Variants in GNB4 observed in about 807,000 individuals in gnomAD.
GNB4 encodes the protein guanine nucleotide-binding protein subunit beta-4.
In GNB4, 28 loss-of-function variants were observed where a neutral mutation model predicts 45.2. The observed-to-expected ratio is 0.62, with a 90% CI of 0.46 to 0.85. The LOEUF (loss-of-function observed/expected upper bound fraction) is 0.85, where lower values mean the gene tolerates loss of function less well. GNB4 is among the 40% of genes least tolerant of loss of function. The probability of loss-of-function intolerance (pLI) is 0.00; values close to 1 mark genes in which losing one functional copy is unlikely to be tolerated. For missense variants in GNB4, 321 were observed against 425.4 expected, an observed-to-expected ratio of 0.75 and a Z score of 2.16; for synonymous variants, 132 against 143.7, an observed-to-expected ratio of 0.92 and a Z score of 0.58.
chr3:179,401,167 TGATTTCTCCA>T lies in GNB4; in HGVS notation c.*36_*45del, dbSNP rs1714286552. 7.3e-7 allele frequency: 1 copy of T among 1,371,096 alleles called. No homozygotes were observed. The highest frequency in any genetic ancestry group is 2.3e-5 in the East Asian group (1 of 43,006). The allele number at this position is 1,371,096 out of a possible 1,614,324, so 84.9% of individuals were successfully genotyped here. On this transcript the variant is annotated 3_prime_UTR_variant, in exon 10 of 10. Transcript: ENST00000232564. ...TTTTCACAGCTATAGGCTGTAGCATTGATTTCTCCAGATATATCAATGGAGAACAAATATG... is the reference window on the plus strand; with the variant it reads ...TTTTCACAGCTATAGGCTGTAGCATTGATATATCAATGGAGAACAAATATG...
chr3:179,473,804 A>C, the GNB4 span, among the ~76,000 whole-genome samples: 3 of 152,184 alleles, frequency 2.0e-5, no homozygotes, highest in Non-Finnish European at 2.9e-5. Context: ...TCAATATGTA[A>C]ATGTAACCAC....
intron 2 of GNB4, among the ~76,000 whole-genome samples, chr3:179,425,709 G>C (rs1317107713): frequency 6.6e-6 from 1 of 152,076 alleles, no homozygotes; most frequent in Non-Finnish European, 1.5e-5. Context: ...GACCTCAGGT[G>C]ATCCACCTGC....
At chr3:179,457,416 A>G in the GNB4 span, among the ~76,000 whole-genome samples, 662 of 152,300 alleles carry the variant, frequency 4.3e-3, 4 homozygotes, top group African/African-American at 0.015. Context: ...AGTGCCTAGA[A>G]TGTAATACAG....
intron 8 of GNB4, among the ~76,000 whole-genome samples, chr3:179,407,344 A>G (rs1323169199): frequency 6.6e-6 from 1 of 152,200 alleles, no homozygotes; most frequent in Non-Finnish European, 1.5e-5. Flanking sequence ...CTGTAGTCCC[A>G]GCTACCTGGG....
intron 1 of GNB4, among the ~76,000 whole-genome samples, chr3:179,450,573 G>A (rs1054217762): frequency 5.3e-5 from 8 of 152,182 alleles, no homozygotes. Context: ...GAAAGAGAAA[G>A]GGAAGGAGTG....
At chr3:179,417,409 AT>A (rs35958397) in intron 4 of GNB4, among the ~76,000 whole-genome samples, 28,552 of 143,176 alleles carry the variant, frequency 0.2, 2,918 homozygotes, top group Admixed American at 0.26. Context: ...TTTTGTTTGG[AT>A]TTTTTTTTTT....
rs112274506 is a variant in GNB4, at chr3:179,420,755, G to A, written c.96+134C>T. The A allele has an allele frequency of 5.7e-3, 3,772 of 666,586 alleles. 112 individuals carry two copies. In the African/African-American group the frequency reaches 0.062, roughly 11 times the overall value. The allele number at this position is 666,586 out of a possible 1,614,324, so 41.3% of individuals were successfully genotyped here. On this transcript the variant is annotated intron_variant, in intron 3 of 9. Coordinates refer to ENST00000232564, the MANE Select transcript of GNB4 (RefSeq NM_021629.4). ...CACTGTATAGCATTTGACAAATTAC[G>A]AAGTGCTTTTACACAGAGATTTCAT...
the GNB4 span, among the ~76,000 whole-genome samples, chr3:179,512,684 TCAGAG>T: frequency 6.6e-6 from 1 of 152,212 alleles, no homozygotes; most frequent in Non-Finnish European, 1.5e-5. Context: ...TGCTTTGTGC[TCAGAG>T]CAGAGTAAAA....
intron 1 of GNB4, among the ~76,000 whole-genome samples, chr3:179,432,503 G>A (rs1715335313): frequency 1.3e-5 from 2 of 152,056 alleles, no homozygotes; most frequent in East Asian, 3.9e-4. Context: ...ACTACTCTAA[G>A]ACAAACCTAA....
rs1264794337 is a variant in GNB4 at position 179,401,003 on chromosome 3, T to C, written c.*210A>G. ...AAAATAACCCAACCCCTCAAATTAATACACTGGTCCTTTTGATCTCAGAAG... is the reference window on the plus strand; with the variant it reads ...AAAATAACCCAACCCCTCAAATTAACACACTGGTCCTTTTGATCTCAGAAG... On this transcript the variant is annotated 3_prime_UTR_variant, in exon 10 of 10. Transcript: ENST00000232564. 2.2e-6 allele frequency: 1 copy of C among 464,018 alleles called. No individual in the cohort carries two copies. The highest frequency in any genetic ancestry group is 3.9e-6 in the Non-Finnish European group (1 of 257,140). The allele number at this position is 464,018 out of a possible 1,614,324, so 28.7% of individuals were successfully genotyped here. A position where few individuals can be genotyped will look rare whatever the true frequency, so the allele number is the denominator to read the frequency against.
chr3:179,425,357 T>C (rs1300606793), intron 2 of GNB4, among the ~76,000 whole-genome samples: 1 of 152,234 alleles, frequency 6.6e-6, no homozygotes, highest in African/African-American at 2.4e-5. Flanking sequence ...TTTGAAGTTC[T>C]AGTGTCTGTT....
At chr3:179,456,023 C>T (rs1026832962), upstream of GNB4, among the ~76,000 whole-genome samples, 6 of 151,954 alleles carry the variant, frequency 3.9e-5, no homozygotes, top group Middle Eastern at 6.8e-3. Context: ...ATTTTTATGA[C>T]TTAGCCTCAG....
intron 2 of GNB4, among the ~76,000 whole-genome samples, chr3:179,425,184 T>C (rs1715106088): frequency 6.6e-6 from 1 of 152,222 alleles, no homozygotes; most frequent in South Asian, 2.1e-4. Flanking sequence ...TTGATATTTC[T>C]CAGTGCTAAT....
chr3:179,466,557 G>T, the GNB4 span, among the ~76,000 whole-genome samples: 4 of 152,272 alleles, frequency 2.6e-5, 1 homozygote, highest in East Asian at 7.7e-4. Context: ...TAGAGAGTTT[G>T]CTGGAGATGT....
chr3:179,517,992 ACCCCTTCT>A, the GNB4 span, among the ~76,000 whole-genome samples: 1 of 149,958 alleles, frequency 6.7e-6, no homozygotes, highest in Non-Finnish European at 1.5e-5. Context: ...CCGTGTCTCT[ACCCCTTCT>A]CCACTTTCCT....
At position 179,401,039 on chromosome 3, in the gene GNB4, C is replaced by CT. The variant is rs1714281088; in HGVS notation, c.*173dup. 1 of 517,726 alleles carries CT rather than the reference C, an allele frequency of 1.9e-6. No homozygotes were observed. Among genetic ancestry groups the CT allele is most frequent in the Non-Finnish European group, 3.5e-6 (1 of 287,966 alleles). 32.1% of individuals were successfully genotyped at this position (517,726 alleles called of 1,614,324 possible). A position where few individuals can be genotyped will look rare whatever the true frequency, so the allele number is the denominator to read the frequency against. ...TTTTGATCTCAGAAGGCGCCTTTGC[C>CT]TTTTTTCCTCCACCCCCACTTTTTT... On this transcript the variant is annotated 3_prime_UTR_variant, in exon 10 of 10. Coordinates refer to ENST00000232564, the MANE Select transcript of GNB4 (RefSeq NM_021629.4).
At chr3:179,460,632 T>C in the GNB4 span, among the ~76,000 whole-genome samples, 1 of 151,976 alleles carries the variant, frequency 6.6e-6, no homozygotes, top group South Asian at 2.1e-4. Context: ...AAACTCTTAC[T>C]CTTAACTTTG....
At chr3:179,511,636 A>G in the GNB4 span, among the ~76,000 whole-genome samples, 1 of 152,144 alleles carries the variant, frequency 6.6e-6, no homozygotes, top group Non-Finnish European at 1.5e-5. Context: ...AAAGTGAAAT[A>G]ACTGTAGTGG....
At chr3:179,489,141 C>G in the GNB4 span, among the ~76,000 whole-genome samples, 1 of 143,998 alleles carries the variant, frequency 6.9e-6, no homozygotes, top group African/African-American at 2.6e-5. Context: ...AAACATAAAA[C>G]TTTTATAAAT....
Sources: gnomAD v4.1 joint callset for allele counts (sites outside exome capture counted in the v4.1 genomes callset) on GRCh38, gnomAD v4.1.1 for gene constraint, MANE v1.5 for transcripts, NCBI Gene and HGNC (gene_info 2026-07-23, HGNC 2026-07-21) for gene names.